NCKAP5: variants seen among roughly 807,000 people sequenced by gnomAD.
NCKAP5 encodes the protein NCK associated protein 5.
Under a neutral mutation model 167.0 loss-of-function variants are expected in NCKAP5, and 92 were observed. That is an observed-to-expected ratio of 0.55 (90% CI 0.47 to 0.66). NCKAP5 has a LOEUF of 0.66. Ranked by LOEUF, NCKAP5 falls within the 30% of genes least tolerant of loss-of-function variation. The pLI, the probability that NCKAP5 is intolerant of heterozygous loss-of-function variation, is 0.00. For synonymous variants in NCKAP5, 891 were observed against 877.4 expected (o/e 1.02, Z -0.27); for missense variants, 2,378 against 2,315.0 (o/e 1.03, Z -0.56).
chr2:133,204,371 TC>T lies in NCKAP5; in HGVS notation c.207+9344del, dbSNP rs1017630950. Among the ~76,000 whole-genome samples the T allele has an allele frequency of 3.3e-5, 5 of 152,214 alleles. No homozygotes were observed. The East Asian group carries it at 9.6e-4, about 29-fold the overall frequency. ...TAAATAAATGGACATAACTGAAGAC[TC>T]CCCCCCATCAGAGGTATCCAAATTT... On this transcript the variant is annotated intron_variant, in intron 5 of 19. Transcript: ENST00000409261.
At chr2:132,801,036 C>G (rs1013451229) in intron 11 of NCKAP5, among the ~76,000 whole-genome samples, 2 of 152,112 alleles carry the variant, frequency 1.3e-5, no homozygotes, top group Admixed American at 1.3e-4. Context: ...AGTCATGGAG[C>G]CTGAGCAAAA....
the NCKAP5 span, among the ~76,000 whole-genome samples, chr2:133,583,234 C>T: frequency 6.6e-6 from 1 of 152,122 alleles, no homozygotes; most frequent in South Asian, 2.1e-4. Context: ...TATCATGGAT[C>T]CCTCACCTCC....
chr2:133,180,292 G>C (rs1327387579), intron 5 of NCKAP5, among the ~76,000 whole-genome samples: 1 of 152,068 alleles, frequency 6.6e-6, no homozygotes. Context: ...GTTGCCAGTA[G>C]ACTTATCCTA....
intron 2 of NCKAP5, among the ~76,000 whole-genome samples, chr2:133,550,424 G>GA (rs879667571): frequency 6.6e-6 from 1 of 151,814 alleles, no homozygotes; most frequent in Non-Finnish European, 1.5e-5. Flanking sequence ...TCAACCCTGG[G>GA]ATGCAAGTCT....
chr2:132,849,136 G>T (rs1688893221), intron 11 of NCKAP5, among the ~76,000 whole-genome samples: 1 of 152,106 alleles, frequency 6.6e-6, no homozygotes. Flanking sequence ...GCTTCGCAGG[G>T]TCCCTGAATA....
chr2:132,996,573 C>T (rs2149317679), intron 6 of NCKAP5, among the ~76,000 whole-genome samples: 1 of 152,278 alleles, frequency 6.6e-6, no homozygotes, highest in Middle Eastern at 3.4e-3. Context: ...TAGCCCTATA[C>T]TTCAAACCAT....
At chr2:132,888,103 T>A (rs1692399205) in intron 8 of NCKAP5, among the ~76,000 whole-genome samples, 1 of 152,208 alleles carries the variant, frequency 6.6e-6, no homozygotes, top group Non-Finnish European at 1.5e-5. Context: ...TTTATACGCC[T>A]CTTTTCAAAG....
At chr2:133,321,598 A>C (rs1682057470) in intron 3 of NCKAP5, among the ~76,000 whole-genome samples, 6 of 152,228 alleles carry the variant, frequency 3.9e-5, no homozygotes, top group Admixed American at 3.3e-4. Context: ...TAGACTGAAA[A>C]GTCAGACATG....
intron 15 of NCKAP5, among the ~76,000 whole-genome samples, chr2:132,778,639 A>G (rs11679975): frequency 0.18 from 27,431 of 152,160 alleles, 3,014 homozygotes; most frequent in East Asian, 0.3. Context: ...TTTTCATCCA[A>G]AATAACTTCT....
intron 4 of NCKAP5, among the ~76,000 whole-genome samples, chr2:133,241,824 T>C (rs1011275237): frequency 6.6e-5 from 10 of 152,074 alleles, no homozygotes; most frequent in Admixed American, 2.6e-4. Context: ...ATTTTGCATA[T>C]TAAAAGTAAA....
At chr2:132,994,338 G>A (rs2077530180) in intron 6 of NCKAP5, 99 bp from the exon 7 acceptor site, 2 of 782,916 alleles carry the variant, frequency 2.6e-6, no homozygotes, top group Non-Finnish European at 4.0e-6. Context: ...TATTTCCCAA[G>A]CTTCAACCTG....
In NCKAP5 at chr2:132,920,709, G is replaced by T. The variant is rs1247252589; in HGVS notation, c.580-41793C>A. On this transcript the variant is annotated intron_variant, in intron 8 of 19. Transcript: ENST00000409261. Reference sequence around the variant, plus strand: ...AGTTTATATATATATATACGTATATGTATATATATGTATATATATATATGT... The same window carrying T: ...AGTTTATATATATATATACGTATATTTATATATATGTATATATATATATGT... 4.6e-4 allele frequency among the ~76,000 whole-genome samples: 32 copies of T among 69,966 alleles called. 1 individual carries two copies. In the East Asian group the frequency reaches 7.0e-3, roughly 15 times the overall value. 45.9% of individuals were successfully genotyped at this position (69,966 alleles called of 152,430 possible).
chr2:133,594,491 G>A, the NCKAP5 span, among the ~76,000 whole-genome samples: 1 of 152,098 alleles, frequency 6.6e-6, no homozygotes, highest in African/African-American at 2.4e-5. Context: ...GATCTTTAGG[G>A]CCTAACAGAG....
At chr2:132,740,363 G>A (rs1445183188) in intron 16 of NCKAP5, among the ~76,000 whole-genome samples, 1 of 151,998 alleles carries the variant, frequency 6.6e-6, no homozygotes, top group East Asian at 1.9e-4. Flanking sequence ...AGCTACATGT[G>A]GTATTGGCAG....
intron 3 of NCKAP5, among the ~76,000 whole-genome samples, chr2:133,499,188 T>C (rs1682252410): frequency 6.6e-6 from 1 of 152,218 alleles, no homozygotes; most frequent in South Asian, 2.1e-4. Flanking sequence ...CAAAGGCTCA[T>C]ACCAAAGGAA....
chr2:132,695,189 G>C (rs184920768), intron 19 of NCKAP5, among the ~76,000 whole-genome samples: 1 of 152,094 alleles, frequency 6.6e-6, no homozygotes, highest in East Asian at 1.9e-4. Context: ...TATGAATTGT[G>C]GGGGGACATA....
chr2:132,687,137 AG>A (rs1339833942), intron 19 of NCKAP5, among the ~76,000 whole-genome samples: 1 of 152,208 alleles, frequency 6.6e-6, no homozygotes, highest in African/African-American at 2.4e-5. Context: ...ATGAGTTTAA[AG>A]AATACTGCAG....
At chr2:132,795,820 G>GGAAA (rs1684537006) in intron 12 of NCKAP5, among the ~76,000 whole-genome samples, 1 of 85,016 alleles carries the variant, frequency 1.2e-5, no homozygotes, top group Non-Finnish European at 2.6e-5. Flanking sequence ...CCCCGTATCA[G>GGAAA]AAAAAAAAAA....
At chr2:133,299,644 G>A (rs539090472) in intron 4 of NCKAP5, among the ~76,000 whole-genome samples, 136 of 152,202 alleles carry the variant, frequency 8.9e-4, no homozygotes, top group African/African-American at 2.9e-3. Context: ...CCAGCTACAC[G>A]GGAGGCTGAG....
Sources: gnomAD v4.1 joint callset for allele counts (sites outside exome capture counted in the v4.1 genomes callset) on GRCh38, gnomAD v4.1.1 for gene constraint, MANE v1.5 for transcripts, NCBI Gene and HGNC (gene_info 2026-07-23, HGNC 2026-07-21) for gene names.